The following SHROOM4 variants were observed in gnomAD, a reference collection of about 807,000 sequenced individuals.
SHROOM4 encodes the protein shroom family member 4.
A neutral mutation model predicts 80.3 loss-of-function variants in SHROOM4; 17 were observed. The ratio of observed to expected loss-of-function variants is 0.21; its 90% CI spans 0.14 to 0.32. The LOEUF is 0.32. Among genes scored for constraint, SHROOM4 ranks in the 10% least tolerant of loss-of-function variants. The pLI, the probability that SHROOM4 is intolerant of heterozygous loss-of-function variation, is 1.00. For synonymous variants in SHROOM4, 400 were observed against 437.5 expected (o/e 0.91, Z 1.07); for missense variants, 993 against 1,140.3 (o/e 0.87, Z 1.86).
intron 1 of SHROOM4, among the ~76,000 whole-genome samples, chrX:50,778,992 T>G (rs1935569133): frequency 8.9e-6 from 1 of 112,065 alleles, no homozygotes; most frequent in Non-Finnish European, 1.9e-5. Flanking sequence ...GATGGGAAAC[T>G]CTTAGAACAG....
intron 2 of SHROOM4, among the ~76,000 whole-genome samples, chrX:50,655,435 A>C (rs1557259361): frequency 9.2e-6 from 1 of 108,490 alleles, no homozygotes. Flanking sequence ...TGTTGTACAA[A>C]TGACAGGATT....
At chrX:50,733,063 A>T (rs1222553840) in intron 1 of SHROOM4, among the ~76,000 whole-genome samples, 7 of 112,304 alleles carry the variant, frequency 6.2e-5, no homozygotes, top group Non-Finnish European at 1.3e-4. Flanking sequence ...GAATTATAAA[A>T]CATGGCAAGT....
intron 4 of SHROOM4, among the ~76,000 whole-genome samples, chrX:50,628,319 C>G (rs150914590): frequency 0.019 from 2,137 of 111,269 alleles, 26 homozygotes; most frequent in Middle Eastern, 0.051. Context: ...GACTCTCTAC[C>G]CTGGGCATTT....
At chrX:50,676,029 C>T (rs1191969281) in intron 2 of SHROOM4, among the ~76,000 whole-genome samples, 2 of 111,790 alleles carry the variant, frequency 1.8e-5, no homozygotes, top group East Asian at 5.6e-4. Flanking sequence ...TTACTGACTG[C>T]AGAAAGTGAT....
At chrX:50,709,605 T>C (rs1230807330) in intron 1 of SHROOM4, among the ~76,000 whole-genome samples, 2 of 112,256 alleles carry the variant, frequency 1.8e-5, no homozygotes, top group African/African-American at 6.5e-5. Flanking sequence ...AAACTGAAAT[T>C]CCTGCTGTGC....
chrX:50,628,650 A>C (rs1026760356), intron 4 of SHROOM4, among the ~76,000 whole-genome samples: 3 of 112,004 alleles, frequency 2.7e-5, no homozygotes, highest in African/African-American at 9.8e-5. Flanking sequence ...GGTGAAGCAG[A>C]ATAAACATAG....
At position 50,801,261 on chromosome X, in the gene SHROOM4, G is replaced by GAGAGAGAGAGA. The variant is rs1557272560; in HGVS notation, c.117+12640_117+12641insTCTCTCTCTCT. Among the ~76,000 whole-genome samples, 12 of 81,533 alleles carry GAGAGAGAGAGA rather than the reference G, an allele frequency of 1.5e-4. No individual in the cohort carries two copies. The East Asian group carries it at 5.0e-3, about 34-fold the overall frequency. 70.8% of individuals were successfully genotyped at this position (81,533 alleles called of 115,157 possible). A position where few individuals can be genotyped will look rare whatever the true frequency, so the allele number is the denominator to read the frequency against. On this transcript the variant is annotated intron_variant, in intron 1 of 8. Transcript: ENST00000376020. ...GGAGGGAAGGAGAGAGAGAGAAAGA[G>GAGAGAGAGAGA]GAGAGAGAGAGAGAGAGAGAGAGAG...
intron 2 of SHROOM4, among the ~76,000 whole-genome samples, chrX:50,670,070 T>C (rs1046627960): frequency 1.1e-4 from 12 of 112,168 alleles, no homozygotes; most frequent in Admixed American, 1.9e-4. Context: ...GGATTGTCTA[T>C]GGCAGCTATA....
chrX:50,765,715 G>A (rs1341169157), intron 1 of SHROOM4, among the ~76,000 whole-genome samples: 6 of 111,796 alleles, frequency 5.4e-5, no homozygotes, highest in African/African-American at 1.3e-4. Flanking sequence ...TCACATTTCC[G>A]TAAACTGTCT....
intron 1 of SHROOM4, among the ~76,000 whole-genome samples, chrX:50,784,546 T>C (rs782113377): frequency 2.7e-5 from 3 of 111,787 alleles, no homozygotes; most frequent in Non-Finnish European, 5.6e-5. Context: ...TAACTAGACG[T>C]CCATATGCAA....
chrX:50,682,175 T>C (rs1225346105), intron 2 of SHROOM4, among the ~76,000 whole-genome samples: 3 of 112,208 alleles, frequency 2.7e-5, no homozygotes, highest in African/African-American at 9.7e-5. Flanking sequence ...GCTCAGTGTC[T>C]AAGAGGCACT....
intron 1 of SHROOM4, among the ~76,000 whole-genome samples, chrX:50,697,849 A>G (rs1352324393): frequency 4.5e-5 from 5 of 112,304 alleles, no homozygotes; most frequent in African/African-American, 1.6e-4. Context: ...CAGAAGTTCT[A>G]TTTGAATGAC....
At chrX:50,631,718 G>A (rs1893541376) in intron 4 of SHROOM4, among the ~76,000 whole-genome samples, 1 of 112,064 alleles carries the variant, frequency 8.9e-6, no homozygotes, top group African/African-American at 3.2e-5. Flanking sequence ...CTATAGACTA[G>A]TAATCAAGAA....
chrX:50,702,074 C>T (rs1173152981), intron 1 of SHROOM4, among the ~76,000 whole-genome samples: 2 of 112,071 alleles, frequency 1.8e-5, no homozygotes, highest in African/African-American at 3.2e-5. Context: ...AAGGCTTGAA[C>T]AAGCACTTCA....
Position 50,589,405 on chromosome X carries a change from T to G in SHROOM4, c.*7290A>C, listed in dbSNP as rs781997746. ...GGATGACAATCTAATTTTATAATATTTTCATCATCCCCAAAAGAAACCCCA... is the reference window on the plus strand; with the variant it reads ...GGATGACAATCTAATTTTATAATATGTTCATCATCCCCAAAAGAAACCCCA... On this transcript the variant is annotated 3_prime_UTR_variant, in exon 9 of 9. Coordinates refer to ENST00000376020, the MANE Select transcript of SHROOM4 (RefSeq NM_020717.5). Among the ~76,000 whole-genome samples, 3 of 111,773 alleles carry G rather than the reference T, an allele frequency of 2.7e-5. No individual in the cohort carries two copies. The highest frequency in any genetic ancestry group is 5.6e-5 in the Non-Finnish European group (3 of 53,133).
At chrX:50,696,438 A>T (rs782194071) in intron 1 of SHROOM4, among the ~76,000 whole-genome samples, 2 of 111,722 alleles carry the variant, frequency 1.8e-5, no homozygotes, top group South Asian at 7.6e-4. Context: ...CTGTGTCTCA[A>T]TTCCCTCCTA....
At chrX:50,706,502 A>T (rs1933681639) in intron 1 of SHROOM4, among the ~76,000 whole-genome samples, 1 of 112,025 alleles carries the variant, frequency 8.9e-6, no homozygotes, top group Non-Finnish European at 1.9e-5. Context: ...CACCCTATTC[A>T]TTTGACTGAT....
chrX:50,746,808 G>A (rs1557267629), intron 1 of SHROOM4, among the ~76,000 whole-genome samples: 2 of 111,605 alleles, frequency 1.8e-5, no homozygotes, highest in Admixed American at 9.5e-5. Flanking sequence ...TTTCTACAGA[G>A]ACCCAGGAAT....
rs1933786862 is a variant in SHROOM4, at chrX:50,710,503, G to A, written c.118-14566C>T. Among the ~76,000 whole-genome samples, 3 of 110,522 alleles carry A rather than the reference G, an allele frequency of 2.7e-5. No individual in the cohort carries two copies. The South Asian group carries it at 1.2e-3, about 43-fold the overall frequency. The stretch of plus-strand genomic sequence containing the variant: ...ATAAAAATGGCAGTAATAAACACTG[G>A]GGACTACCAGAGGGGAGAGGGAGAG... On this transcript the variant is annotated intron_variant, in intron 1 of 8. Transcript: ENST00000376020.
Sources: gnomAD v4.1 joint callset for allele counts (sites outside exome capture counted in the v4.1 genomes callset) on GRCh38, gnomAD v4.1.1 for gene constraint, MANE v1.5 for transcripts, NCBI Gene and HGNC (gene_info 2026-07-23, HGNC 2026-07-21) for gene names.